The following RAD51B variants were observed in gnomAD, a reference collection of about 807,000 sequenced individuals.
RAD51B encodes DNA repair protein RAD51 homolog 2.
A neutral mutation model predicts 42.2 loss-of-function variants in RAD51B; 38 were observed. The observed-to-expected ratio is 0.90, with a 90% CI of 0.70 to 1.18. The LOEUF is 1.18. Ranked by LOEUF, RAD51B falls within the 50% of genes most tolerant of loss-of-function variation. The pLI, the probability that RAD51B is intolerant of heterozygous loss-of-function variation, is 0.00. For synonymous variants in RAD51B, 154 were observed against 145.2 expected (o/e 1.06, Z -0.43); for missense variants, 373 against 400.7 (o/e 0.93, Z 0.59).
chr14:67,947,510 T>C (rs1372165675), intron 7 of RAD51B, among the ~76,000 whole-genome samples: 1 of 152,248 alleles, frequency 6.6e-6, no homozygotes, highest in Non-Finnish European at 1.5e-5. Flanking sequence ...TAAATATTTG[T>C]TGTCATCTGT....
intron 7 of RAD51B, among the ~76,000 whole-genome samples, chr14:68,169,539 A>G (rs1380846645): frequency 6.6e-6 from 1 of 152,164 alleles, no homozygotes; most frequent in South Asian, 2.1e-4. Context: ...TTGAACTTTT[A>G]AATATATTTT....
At chr14:68,604,612 C>T (rs563950607) in intron 10 of RAD51B, among the ~76,000 whole-genome samples, 81 of 152,204 alleles carry the variant, frequency 5.3e-4, no homozygotes, top group Non-Finnish European at 1.1e-3. Context: ...GCTGTGACCG[C>T]AGAAAATGCC....
exon 11 of RAD51B, chr14:68,594,912 C>T: frequency 1.8e-6 from 2 of 1,096,368 alleles, no homozygotes; most frequent in Non-Finnish European, 2.2e-6. Flanking sequence ...TGGCTTGCTG[C>T]TGAGCTAAAG....
chr14:68,510,728 C>T (rs1045504817), intron 10 of RAD51B, among the ~76,000 whole-genome samples: 2 of 152,156 alleles, frequency 1.3e-5, no homozygotes, highest in South Asian at 2.1e-4. Context: ...AGGCTTTTGC[C>T]ATGGGTTTTA....
Position 68,451,511 on chromosome 14 carries a change from A to G in RAD51B, c.958-16661A>G, listed in dbSNP as rs556004783. 1.1e-3 allele frequency among the ~76,000 whole-genome samples: 171 copies of G among 152,228 alleles called. 2 individuals carry two copies. Among genetic ancestry groups the G allele is most frequent in the Non-Finnish European group, 5.7e-4 (39 of 68,010 alleles). On this transcript the variant is annotated intron_variant, in intron 9 of 10. Transcript: ENST00000471583. ...AGCTCTCCTCCATCTTACTGAAACT[A>G]ATTTCGTTTGTGCTTAAAGGAAAAG...
intron 8 of RAD51B, among the ~76,000 whole-genome samples, chr14:68,312,472 G>C (rs1229704292): frequency 1.3e-5 from 2 of 152,184 alleles, no homozygotes; most frequent in Non-Finnish European, 2.9e-5. Flanking sequence ...ATTCCCTCCA[G>C]TATTGACCCT....
In RAD51B at chr14:68,573,620, C is replaced by T. The variant is rs543841960; in HGVS notation, c.1037-20865C>T. 9.8e-5 allele frequency among the ~76,000 whole-genome samples: 15 copies of T among 152,328 alleles called. No homozygotes were observed. The South Asian group carries it at 2.1e-3, about 21-fold the overall frequency. ...TGTTGTTTATTATCTGTCTCTCCCA[C>T]GGGGAATAAAGCTTCAGGAGGGCAG... On this transcript the variant is annotated intron_variant, in intron 10 of 10. Transcript: ENST00000487270.
intron 10 of RAD51B, among the ~76,000 whole-genome samples, chr14:68,500,768 G>T (rs905977549): frequency 1.3e-5 from 2 of 152,208 alleles, no homozygotes; most frequent in African/African-American, 4.8e-5. Context: ...AGAACCCCCT[G>T]CCACATGGTC....
At chr14:68,390,332 C>T (rs2083710219) in intron 8 of RAD51B, among the ~76,000 whole-genome samples, 1 of 152,210 alleles carries the variant, frequency 6.6e-6, no homozygotes. Flanking sequence ...ATACTGTGAG[C>T]TTAGCCTGTT....
rs113483528 is a variant in RAD51B at position 68,007,471 on chromosome 14, T to A, written c.756+120267T>A. ...TTCTCAGTAGCTGCACCATTAGCAC[T>A]GTGTGAGGTTCCAATTTCTTCACAC... On this transcript the variant is annotated intron_variant, in intron 7 of 10. Transcript: ENST00000471583. 6.2e-3 allele frequency among the ~76,000 whole-genome samples: 948 copies of A among 152,168 alleles called. 11 individuals are homozygous for A. The highest frequency in any genetic ancestry group is 0.022 in the African/African-American group (903 of 41,558).
chr14:67,936,295 A>G (rs758345958), intron 7 of RAD51B, among the ~76,000 whole-genome samples: 8 of 152,134 alleles, frequency 5.3e-5, no homozygotes, highest in Non-Finnish European at 1.2e-4. Flanking sequence ...TCTATTTGCT[A>G]TCTCTATAGA....
At chr14:68,219,566 T>C (rs1043426311) in intron 7 of RAD51B, among the ~76,000 whole-genome samples, 27 of 152,010 alleles carry the variant, frequency 1.8e-4, no homozygotes, top group African/African-American at 6.5e-4. Flanking sequence ...AGAGCTCCAC[T>C]AGATGGCTAG....
chr14:68,236,184 T>C (rs966119048), intron 7 of RAD51B: 1 of 152,156 alleles, frequency 6.6e-6, no homozygotes, highest in Non-Finnish European at 1.5e-5. Context: ...TATAACAAAC[T>C]GGTATATGTG....
intron 7 of RAD51B, among the ~76,000 whole-genome samples, chr14:68,028,621 G>T (rs2075991529): frequency 6.6e-6 from 1 of 152,166 alleles, no homozygotes. Flanking sequence ...TATTTTGGGG[G>T]ATCTGAAGTG....
At chr14:68,187,554 G>A (rs1231338663) in intron 7 of RAD51B, among the ~76,000 whole-genome samples, 1 of 152,138 alleles carries the variant, frequency 6.6e-6, no homozygotes, top group Admixed American at 6.5e-5. Flanking sequence ...TCCTTCATAT[G>A]CTTTTATGTT....
intron 7 of RAD51B, among the ~76,000 whole-genome samples, chr14:67,948,966 A>G (rs1396143141): frequency 1.4e-5 from 2 of 147,400 alleles, no homozygotes; most frequent in Non-Finnish European, 3.0e-5. Context: ...AAAGCAATGT[A>G]CATACCTTAA....
intron 9 of RAD51B, among the ~76,000 whole-genome samples, chr14:68,431,344 A>T (rs1482981847): frequency 6.6e-6 from 1 of 152,088 alleles, no homozygotes; most frequent in African/African-American, 2.4e-5. Flanking sequence ...TCCTTCTTGT[A>T]CCTCTGGTAG....
intron 8 of RAD51B, among the ~76,000 whole-genome samples, chr14:68,313,076 A>AT (rs1295626154): frequency 6.6e-6 from 1 of 152,172 alleles, no homozygotes; most frequent in Non-Finnish European, 1.5e-5. Flanking sequence ...TACGATATGA[A>AT]TTTTGAGGTT....
At chr14:68,050,319 G>C (rs1369120731) in intron 7 of RAD51B, among the ~76,000 whole-genome samples, 1 of 149,694 alleles carries the variant, frequency 6.7e-6, no homozygotes, top group Admixed American at 6.7e-5. Context: ...TCACCCCCTT[G>C]ATATTAACAT....
Sources: allele counts gnomAD v4.1 joint callset (sites outside exome capture counted in the v4.1 genomes callset), GRCh38; gene constraint gnomAD v4.1.1; transcripts MANE v1.5; gene names NCBI Gene and HGNC (gene_info 2026-07-23, HGNC 2026-07-21).